Variants in ZFYVE9 observed in about 807,000 individuals in gnomAD.
The protein encoded by ZFYVE9 is zinc finger FYVE domain-containing protein 9.
A neutral mutation model predicts 126.7 loss-of-function variants in ZFYVE9; 43 were observed. The observed-to-expected ratio is 0.34, with a 90% confidence interval of 0.27 to 0.44. ZFYVE9 has a LOEUF of 0.44. Ranked by LOEUF, ZFYVE9 falls within the 20% of genes least tolerant of loss-of-function variation. The pLI is 1.00. For synonymous variants in ZFYVE9, 521 were observed against 597.4 expected (o/e 0.87, Z 1.87); for missense variants, 1,476 against 1,697.0 (o/e 0.87, Z 2.29).
chr1:52,188,762 T>C (rs1644789206), intron 1 of ZFYVE9, among the ~76,000 whole-genome samples: 1 of 152,072 alleles, frequency 6.6e-6, no homozygotes, highest in Non-Finnish European at 1.5e-5. Context: ...TTACAGTATT[T>C]CTAGTTTTAG....
chr1:52,313,920 A>G (rs948250536), intron 13 of ZFYVE9, among the ~76,000 whole-genome samples: 1 of 152,348 alleles, frequency 6.6e-6, no homozygotes, highest in African/African-American at 2.4e-5. Flanking sequence ...ATGATCCAAA[A>G]TGAAACACAG....
rs1454896998 is a variant in ZFYVE9, at chr1:52,238,903, C to A, written c.1486C>A (p.Pro496Thr). Residue 496 changes from proline (P) to threonine (T), a missense_variant, in exon 4 of 19, where the codon CCC (proline) becomes ACC (threonine). Transcript: ENST00000287727. ...PGVSFVPKTL[P>T]SKEDSVTEEK... The stretch of plus-strand genomic sequence containing the variant: ...TGTTTCTTTTGTTCCAAAGACTTTA[C>A]CCTCCAAAGAAGATTCAGTAACAGA... 1.2e-6 allele frequency: 2 copies of A among 1,613,894 alleles called. No individual in the cohort carries two copies. Among genetic ancestry groups the A allele is most frequent in the South Asian group, 2.2e-5 (2 of 91,050 alleles).
intron 2 of ZFYVE9, among the ~76,000 whole-genome samples, chr1:52,222,784 T>C (rs1645135919): frequency 6.6e-6 from 1 of 152,230 alleles, no homozygotes; most frequent in Non-Finnish European, 1.5e-5. Flanking sequence ...TTTGGCTTTC[T>C]TCCGAAGTGG....
At chr1:52,213,771 G>T (rs2124590451) in intron 1 of ZFYVE9, among the ~76,000 whole-genome samples, 1 of 152,272 alleles carries the variant, frequency 6.6e-6, no homozygotes, top group South Asian at 2.1e-4. Context: ...TGGATGAAAG[G>T]TTTCAGTAAA....
At chr1:52,324,371 A>G (rs909459412) in intron 13 of ZFYVE9, among the ~76,000 whole-genome samples, 3 of 152,214 alleles carry the variant, frequency 2.0e-5, no homozygotes, top group Non-Finnish European at 4.4e-5. Context: ...TAGCCTCTGG[A>G]CACTAGTGAA....
intron 4 of ZFYVE9, among the ~76,000 whole-genome samples, chr1:52,247,505 G>T (rs1412867387): frequency 1.3e-5 from 2 of 150,390 alleles, no homozygotes; most frequent in African/African-American, 4.9e-5. Context: ...AGAGCTTTTT[G>T]TTTTTTTTTG....
intron 1 of ZFYVE9, among the ~76,000 whole-genome samples, chr1:52,208,481 G>A (rs1344979130): frequency 6.6e-6 from 1 of 150,798 alleles, no homozygotes; most frequent in Non-Finnish European, 1.5e-5. Flanking sequence ...AGAAAACATG[G>A]TTTAAGTCTG....
At chr1:52,210,004 A>G (rs1458087691) in intron 1 of ZFYVE9, among the ~76,000 whole-genome samples, 1 of 152,180 alleles carries the variant, frequency 6.6e-6, no homozygotes, top group Admixed American at 6.6e-5. Flanking sequence ...CAACAGAAAG[A>G]TGGAGGCATT....
At chr1:52,253,768 C>G in intron 4 of ZFYVE9, 1 of 1,607,680 alleles carries the variant, frequency 6.2e-7, no homozygotes, top group Non-Finnish European at 8.5e-7. Context: ...AGATGACAAT[C>G]TAGAAACTTA....
chr1:52,269,892 A>G (rs897457128), intron 7 of ZFYVE9, among the ~76,000 whole-genome samples: 7 of 152,014 alleles, frequency 4.6e-5, no homozygotes, highest in East Asian at 1.9e-4. Flanking sequence ...GGCTCAAGCA[A>G]TCCTTCTGCC....
At chr1:52,244,997 A>C (rs1222321982) in intron 4 of ZFYVE9, among the ~76,000 whole-genome samples, 1 of 152,052 alleles carries the variant, frequency 6.6e-6, no homozygotes, top group Non-Finnish European at 1.5e-5. Context: ...ATCTCTGCTA[A>C]AAATACAAAA....
At chr1:52,246,799 C>T (rs1032114440) in intron 4 of ZFYVE9, among the ~76,000 whole-genome samples, 23 of 151,224 alleles carry the variant, frequency 1.5e-4, no homozygotes, top group African/African-American at 5.4e-4. Flanking sequence ...CCTCTACCTC[C>T]TGGGTTCAAG....
intron 2 of ZFYVE9, among the ~76,000 whole-genome samples, chr1:52,230,163 C>T (rs1007887332): frequency 6.6e-6 from 1 of 152,010 alleles, no homozygotes; most frequent in African/African-American, 2.4e-5. Flanking sequence ...CCTCCGCGCC[C>T]TGCCTAGGCT....
chr1:52,255,469 C>G (rs773324597), intron 4 of ZFYVE9, among the ~76,000 whole-genome samples: 5 of 151,522 alleles, frequency 3.3e-5, no homozygotes, highest in Admixed American at 3.3e-4. Flanking sequence ...CCTGTAGTCC[C>G]GGCTACTCAG....
intron 4 of ZFYVE9, among the ~76,000 whole-genome samples, chr1:52,256,097 G>A (rs961065657): frequency 2.2e-5 from 3 of 136,248 alleles, no homozygotes; most frequent in South Asian, 4.7e-4. Context: ...ATGGAGTCTC[G>A]CTCTGTCTTC....
At chr1:52,293,005 T>C (rs1319493437) in intron 10 of ZFYVE9, among the ~76,000 whole-genome samples, 1 of 152,206 alleles carries the variant, frequency 6.6e-6, no homozygotes. Context: ...TTTTTAAATG[T>C]AAGTCTTTCA....
At chr1:52,231,399 C>G (rs1645219645) in intron 2 of ZFYVE9, among the ~76,000 whole-genome samples, 1 of 151,626 alleles carries the variant, frequency 6.6e-6, no homozygotes, top group Admixed American at 6.6e-5. Context: ...ACACCTGTAG[C>G]CCCAGCTACT....
intron 1 of ZFYVE9, among the ~76,000 whole-genome samples, chr1:52,184,232 T>G (rs1263930307): frequency 1.4e-5 from 2 of 145,814 alleles, no homozygotes; most frequent in Non-Finnish European, 3.0e-5. Flanking sequence ...GATATATATA[T>G]ATATATTTTG....
intron 1 of ZFYVE9, among the ~76,000 whole-genome samples, chr1:52,206,817 T>C (rs1644982115): frequency 6.6e-6 from 1 of 152,208 alleles, no homozygotes; most frequent in African/African-American, 2.4e-5. Context: ...CCCAAAGTGA[T>C]GGGATTACAG....
Sources: gnomAD v4.1 joint callset for allele counts (sites outside exome capture counted in the v4.1 genomes callset) on GRCh38, gnomAD v4.1.1 for gene constraint, MANE v1.5 for transcripts, NCBI Gene and HGNC (gene_info 2026-07-23, HGNC 2026-07-21) for gene names.